The following SPAG16 variants were observed in gnomAD, a reference collection of about 807,000 sequenced individuals.
SPAG16 encodes sperm associated antigen 16, also known as sperm-associated antigen 16 protein.
Under a neutral mutation model 80.4 loss-of-function variants are expected in SPAG16, and 86 were observed. The ratio of observed to expected loss-of-function variants is 1.07; its 90% CI spans 0.90 to 1.28. The LOEUF is 1.28. SPAG16 is among the 50% of genes most tolerant of loss of function. The pLI, the probability that SPAG16 is intolerant of heterozygous loss-of-function variation, is 0.00. For synonymous variants in SPAG16, 294 were observed against 265.9 expected (o/e 1.11, Z -1.03); for missense variants, 870 against 765.3 (o/e 1.14, Z -1.61).
At chr2:213,403,260 T>A (rs2068425090) in intron 9 of SPAG16, among the ~76,000 whole-genome samples, 1 of 150,208 alleles carries the variant, frequency 6.7e-6, no homozygotes, top group South Asian at 2.1e-4. Context: ...CTTCGCCCAC[T>A]TTTTGATGGG....
chr2:214,380,462 T>G (rs1350418535), intron 15 of SPAG16, among the ~76,000 whole-genome samples: 1 of 152,156 alleles, frequency 6.6e-6, no homozygotes, highest in Non-Finnish European at 1.5e-5. Context: ...TAATAATGAG[T>G]GAGAGTTTTA....
chr2:213,576,941 A>G (rs2060147918), intron 10 of SPAG16, among the ~76,000 whole-genome samples: 1 of 152,056 alleles, frequency 6.6e-6, no homozygotes, highest in African/African-American at 2.4e-5. Context: ...AATCCCCATT[A>G]CACAAGTTTA....
intron 10 of SPAG16, among the ~76,000 whole-genome samples, chr2:213,506,204 TGAG>T (rs1311295229): frequency 1.3e-5 from 2 of 152,070 alleles, no homozygotes; most frequent in Non-Finnish European, 2.9e-5. Flanking sequence ...GGACAATAGA[TGAG>T]AAGATAGTTC....
At chr2:213,861,068 A>C (rs1193006030) in intron 10 of SPAG16, among the ~76,000 whole-genome samples, 1 of 152,218 alleles carries the variant, frequency 6.6e-6, no homozygotes, top group Non-Finnish European at 1.5e-5. Flanking sequence ...AACCAACATT[A>C]TGATGAATTG....
chr2:214,306,002 C>A (rs1694882317), intron 15 of SPAG16, among the ~76,000 whole-genome samples: 1 of 151,942 alleles, frequency 6.6e-6, no homozygotes, highest in Non-Finnish European at 1.5e-5. Context: ...TTCTTTCTAT[C>A]CATGATCATG....
chr2:213,710,524 G>A (rs1030906080), intron 10 of SPAG16, among the ~76,000 whole-genome samples: 6 of 152,092 alleles, frequency 3.9e-5, no homozygotes, highest in Non-Finnish European at 7.4e-5. Flanking sequence ...ATTAGGATGG[G>A]AATCACATTG....
intron 10 of SPAG16, among the ~76,000 whole-genome samples, chr2:213,724,822 T>G (rs551514325): frequency 1.2e-4 from 17 of 146,884 alleles, no homozygotes; most frequent in African/African-American, 4.0e-4. Flanking sequence ...TAAACTAAGT[T>G]TAATTGATGA....
intron 15 of SPAG16, among the ~76,000 whole-genome samples, chr2:214,399,568 A>G (rs1701593858): frequency 6.6e-6 from 1 of 152,074 alleles, no homozygotes. Flanking sequence ...GTACATTAAG[A>G]GAACAACTCC....
At chr2:213,973,576 G>A (rs1187136110) in intron 12 of SPAG16, among the ~76,000 whole-genome samples, 1 of 151,850 alleles carries the variant, frequency 6.6e-6, no homozygotes, top group East Asian at 1.9e-4. Context: ...GCCATGGAGA[G>A]GTGTGGATAA....
chr2:214,194,684 A>G (rs2057773964), intron 15 of SPAG16, among the ~76,000 whole-genome samples: 1 of 152,212 alleles, frequency 6.6e-6, no homozygotes, highest in South Asian at 2.1e-4. Context: ...AAGTCACAAC[A>G]TTAATAAAAT....
intron 11 of SPAG16, among the ~76,000 whole-genome samples, chr2:213,869,600 T>A (rs2075870726): frequency 6.6e-6 from 1 of 151,360 alleles, no homozygotes; most frequent in Non-Finnish European, 1.5e-5. Flanking sequence ...ATCACCTTTA[T>A]GTGAAAGGGC....
intron 13 of SPAG16, among the ~76,000 whole-genome samples, chr2:214,056,148 T>A (rs541193357): frequency 6.6e-6 from 1 of 152,108 alleles, no homozygotes; most frequent in Non-Finnish European, 1.5e-5. Flanking sequence ...TGTGTGTAAT[T>A]TGTCTTCTAA....
chr2:213,836,159 A>G (rs553805120), intron 10 of SPAG16, among the ~76,000 whole-genome samples: 23 of 143,482 alleles, frequency 1.6e-4, no homozygotes, highest in African/African-American at 5.7e-4. Flanking sequence ...TAAAAACTTA[A>G]GGAATTTTCA....
intron 13 of SPAG16, among the ~76,000 whole-genome samples, chr2:214,056,280 TACACACAC>T (rs60247479): frequency 0.011 from 1,605 of 144,590 alleles, 19 homozygotes; most frequent in African/African-American, 0.037. Context: ...GTAGTAGAAA[TACACACAC>T]ACACACACAC....
intron 9 of SPAG16, among the ~76,000 whole-genome samples, chr2:213,399,347 A>G (rs1383885075): frequency 2.0e-5 from 3 of 152,080 alleles, no homozygotes; most frequent in African/African-American, 7.2e-5. Flanking sequence ...TTTTTTGACC[A>G]TAAGTGATTG....
chr2:213,750,742 A>C (rs1012465724), intron 10 of SPAG16, among the ~76,000 whole-genome samples: 13 of 152,194 alleles, frequency 8.5e-5, no homozygotes, highest in Non-Finnish European at 1.5e-4. Context: ...CTTGAGTAAA[A>C]TGTGGAAGGT....
At chr2:214,223,977 G>A (rs1391811285) in intron 15 of SPAG16, among the ~76,000 whole-genome samples, 1 of 152,148 alleles carries the variant, frequency 6.6e-6, no homozygotes, top group Non-Finnish European at 1.5e-5. Context: ...TGGGTAAAGT[G>A]AATCAATAAA....
intron 11 of SPAG16, among the ~76,000 whole-genome samples, chr2:213,894,791 C>T (rs1437175404): frequency 6.6e-6 from 1 of 151,494 alleles, no homozygotes; most frequent in Non-Finnish European, 1.5e-5. Flanking sequence ...GAGATTGAGA[C>T]CATCCTGGCT....
At chr2:213,333,640 G>A (rs573985303) in intron 5 of SPAG16, among the ~76,000 whole-genome samples, 1 of 152,212 alleles carries the variant, frequency 6.6e-6, no homozygotes, top group Middle Eastern at 3.4e-3. Flanking sequence ...ACATGGTACT[G>A]ACATAAAACC....
Sources: allele counts gnomAD v4.1 joint callset (sites outside exome capture counted in the v4.1 genomes callset), GRCh38; gene constraint gnomAD v4.1.1; transcripts MANE v1.5; gene names NCBI Gene and HGNC (gene_info 2026-07-23, HGNC 2026-07-21).